The following MUC7 variants were observed in gnomAD, a reference collection of about 807,000 sequenced individuals.
The protein encoded by MUC7 is mucin-7.
In MUC7, 2 loss-of-function variants were observed where a neutral mutation model predicts 2.5. The observed-to-expected ratio is 0.81, with a 90% CI of 0.33 to 2.55. The LOEUF (loss-of-function observed/expected upper bound fraction) is 2.55, where lower values mean the gene tolerates loss of function less well. Ranked by LOEUF, MUC7 falls within the 30% of genes most tolerant of loss-of-function variation. The pLI is 0.11. For missense variants in MUC7, 408 were observed against 455.6 expected, an observed-to-expected ratio of 0.90 and a Z score of 0.95; for synonymous variants, 133 against 173.4, an observed-to-expected ratio of 0.77 and a Z score of 1.83.
chr4:70,436,093 C>G (rs572421477), intron 1 of MUC7, among the ~76,000 whole-genome samples: 1 of 152,180 alleles, frequency 6.6e-6, no homozygotes, highest in Non-Finnish European at 1.5e-5. Context: ...ATGAGCTTCC[C>G]TTTGTGAGTA....
At chr4:70,440,963 A>G (rs1475191556) in intron 1 of MUC7, among the ~76,000 whole-genome samples, 1 of 152,166 alleles carries the variant, frequency 6.6e-6, no homozygotes, top group Non-Finnish European at 1.5e-5. Flanking sequence ...AGGGGAGCTC[A>G]TGGAAGTTGG....
intron 1 of MUC7, 77 bp from the exon 2 acceptor site, chr4:70,473,930 A>G: frequency 9.5e-7 from 1 of 1,057,510 alleles, no homozygotes; most frequent in Non-Finnish European, 1.4e-6. Context: ...TTCTAATAAA[A>G]ATAAGTTATT....
At chr4:70,464,353 G>GT (rs1269425201) in intron 1 of MUC7, among the ~76,000 whole-genome samples, 1 of 152,118 alleles carries the variant, frequency 6.6e-6, no homozygotes, top group African/African-American at 2.4e-5. Flanking sequence ...AGCTGCAGAA[G>GT]TTTTTTTCAT....
intron 2 of MUC7, among the ~76,000 whole-genome samples, chr4:70,480,489 C>T (rs1012615801): frequency 2.6e-5 from 4 of 152,182 alleles, no homozygotes; most frequent in Non-Finnish European, 5.9e-5. Flanking sequence ...TGACCATTTT[C>T]CACCAGAGGA....
chr4:70,458,811 A>G (rs998160184), intron 1 of MUC7, among the ~76,000 whole-genome samples: 1 of 152,120 alleles, frequency 6.6e-6, no homozygotes, highest in Non-Finnish European at 1.5e-5. Context: ...AAACATGATT[A>G]TAAGAAAAAC....
At chr4:70,475,574 C>A (rs1400791886) in intron 2 of MUC7, among the ~76,000 whole-genome samples, 5 of 152,076 alleles carry the variant, frequency 3.3e-5, no homozygotes, top group African/African-American at 1.2e-4. Flanking sequence ...GAGAAGACTA[C>A]AAAGTGGACC....
intron 1 of MUC7, among the ~76,000 whole-genome samples, chr4:70,440,809 G>C (rs77447624): frequency 1.3e-5 from 2 of 151,868 alleles, no homozygotes; most frequent in Non-Finnish European, 2.9e-5. Flanking sequence ...AAAAAGGGAG[G>C]GAAAGAGAAT....
At chr4:70,440,436 C>T (rs1361296457) in intron 1 of MUC7, among the ~76,000 whole-genome samples, 1 of 152,020 alleles carries the variant, frequency 6.6e-6, no homozygotes, top group Non-Finnish European at 1.5e-5. Context: ...CTTTGAATTC[C>T]CCCGCATCTA....
intron 1 of MUC7, among the ~76,000 whole-genome samples, chr4:70,453,373 T>C (rs1734328026): frequency 1.3e-5 from 2 of 152,202 alleles, no homozygotes; most frequent in Non-Finnish European, 2.9e-5. Flanking sequence ...TTTTCTCCTC[T>C]TTTCAAAGGT....
intron 1 of MUC7, among the ~76,000 whole-genome samples, chr4:70,436,985 G>A (rs1733858025): frequency 6.6e-6 from 1 of 152,138 alleles, no homozygotes; most frequent in South Asian, 2.1e-4. Context: ...GGAGTTTGCT[G>A]GAGGTCTACT....
In MUC7 at chr4:70,482,162, A is replaced by C. The variant is rs1735219427; in HGVS notation, c.*284A>C. 9 of 371,784 alleles carry C rather than the reference A, an allele frequency of 2.4e-5. No homozygotes were observed. In the South Asian group the frequency reaches 2.6e-4, roughly 11 times the overall value. The allele number at this position is 371,784 out of a possible 1,614,324, so 23.0% of individuals were successfully genotyped here. ...AAGAAAGTCCTTAGATAAAGAGAGA[A>C]TATTGTATGGGCCATCAACCATTTA... is the stretch of plus-strand genomic sequence containing the variant. On this transcript the variant is annotated 3_prime_UTR_variant, in exon 3 of 3. Coordinates refer to ENST00000304887, the MANE Select transcript of MUC7 (RefSeq NM_152291.3).
At chr4:70,435,601 C>T (rs969423643) in intron 1 of MUC7, among the ~76,000 whole-genome samples, 5 of 152,182 alleles carry the variant, frequency 3.3e-5, no homozygotes, top group African/African-American at 1.2e-4. Flanking sequence ...TATATCTTTG[C>T]ATGTGAGATA....
Position 70,460,344 on chromosome 4 carries a change from T to C in MUC7, c.-92-11871T>C, listed in dbSNP as rs1056908089. ...CATCAAGGATGGTTCCATAAACTAA[T>C]AGAATTTGAGAAGCCTTGTTTTGAT... On this transcript the variant is annotated intron_variant, in intron 1 of 3. Transcript: ENST00000413702. Among the ~76,000 whole-genome samples, 15 of 152,266 alleles carry C rather than the reference T, an allele frequency of 9.9e-5. 1 individual carries two copies. The South Asian group carries it at 1.7e-3, about 17-fold the overall frequency.
chr4:70,447,294 G>A (rs1734170245), intron 1 of MUC7, among the ~76,000 whole-genome samples: 1 of 152,178 alleles, frequency 6.6e-6, no homozygotes, highest in Non-Finnish European at 1.5e-5. Context: ...AGAAGACTGT[G>A]AGATATTTTG....
At chr4:70,473,396 C>G (rs949247326) in intron 1 of MUC7, among the ~76,000 whole-genome samples, 1 of 150,610 alleles carries the variant, frequency 6.6e-6, no homozygotes, top group African/African-American at 2.4e-5. Context: ...GTGAGCCATG[C>G]GTGTGCCACT....
chr4:70,480,679 T>G (rs540202075), intron 2 of MUC7, 120 bp from the exon 3 acceptor site: 3 of 1,010,358 alleles, frequency 3.0e-6, no homozygotes, highest in East Asian at 2.6e-5. Context: ...GACTCAATAA[T>G]GTACTCTGGT....
At chr4:70,456,341 A>C (rs1404086746) in intron 1 of MUC7, among the ~76,000 whole-genome samples, 1 of 152,222 alleles carries the variant, frequency 6.6e-6, no homozygotes, top group Non-Finnish European at 1.5e-5. Flanking sequence ...TCAAAAATGA[A>C]GGAAATGGAA....
chr4:70,463,330 TGGGGCTG>T (rs746056430), intron 1 of MUC7, among the ~76,000 whole-genome samples: 65 of 152,204 alleles, frequency 4.3e-4, no homozygotes, highest in Non-Finnish European at 3.4e-4. Flanking sequence ...GAAAATCCAT[TGGGGCTG>T]GGGGTCAACA....
upstream of MUC7, among the ~76,000 whole-genome samples, chr4:70,468,098 C>CA (rs1180644035): frequency 1.3e-5 from 2 of 152,148 alleles, no homozygotes; most frequent in African/African-American, 4.8e-5. Context: ...AAGGCTGGTT[C>CA]AACATACGCA....
Sources: gnomAD v4.1 joint callset for allele counts (sites outside exome capture counted in the v4.1 genomes callset) on GRCh38, gnomAD v4.1.1 for gene constraint, MANE v1.5 for transcripts, NCBI Gene and HGNC (gene_info 2026-07-23, HGNC 2026-07-21) for gene names.